Variants in DIAPH3 observed in about 807,000 individuals in gnomAD.
DIAPH3 encodes the protein protein diaphanous homolog 3.
DIAPH3 carries 117 observed loss-of-function variants against 144.3 expected under a neutral mutation model. The observed-to-expected ratio is 0.81, with a 90% CI of 0.70 to 0.95. The LOEUF (loss-of-function observed/expected upper bound fraction) is 0.95. Among genes scored for constraint, DIAPH3 ranks in the 40% least tolerant of loss-of-function variants. The pLI, the probability that DIAPH3 is intolerant of heterozygous loss-of-function variation, is 0.00. For missense variants in DIAPH3, 1,421 were observed against 1,412.7 expected (o/e 1.01, Z -0.09); for synonymous variants, 519 against 488.9 (o/e 1.06, Z -0.81).
chr13:59,736,331 G>C (rs2036152405), intron 27 of DIAPH3, among the ~76,000 whole-genome samples: 1 of 152,098 alleles, frequency 6.6e-6, no homozygotes, highest in African/African-American at 2.4e-5. Flanking sequence ...GGATTGAATG[G>C]TATTTCTGTT....
intron 27 of DIAPH3, among the ~76,000 whole-genome samples, chr13:59,702,745 C>G (rs941489730): frequency 2.0e-5 from 3 of 152,158 alleles, no homozygotes; most frequent in Admixed American, 2.0e-4. Flanking sequence ...AGAACTATAT[C>G]AAGGCTTTAT....
intron 24 of DIAPH3, among the ~76,000 whole-genome samples, chr13:59,812,726 A>G (rs1405527999): frequency 6.6e-6 from 1 of 152,134 alleles, no homozygotes; most frequent in Admixed American, 6.5e-5. Context: ...GTATAAAGGT[A>G]TAAGATGAGG....
At chr13:59,997,198 T>C (rs2052253938) in intron 9 of DIAPH3, among the ~76,000 whole-genome samples, 1 of 152,004 alleles carries the variant, frequency 6.6e-6, no homozygotes, top group South Asian at 2.1e-4. Flanking sequence ...TCTTCATCCT[T>C]CCTCCTCTGC....
At chr13:59,911,909 C>A in intron 19 of DIAPH3, 73 bp from the exon 20 acceptor site, 1 of 1,163,458 alleles carries the variant, frequency 8.6e-7, no homozygotes, top group Non-Finnish European at 1.3e-6. Context: ...AATTTAAAAA[C>A]TACTGAAAGA....
intron 27 of DIAPH3, among the ~76,000 whole-genome samples, chr13:59,694,431 T>C (rs2033688137): frequency 6.6e-6 from 1 of 152,158 alleles, no homozygotes; most frequent in Admixed American, 6.5e-5. Flanking sequence ...CATCCAAAGG[T>C]TAGATAATAC....
At chr13:59,784,657 G>C (rs1367500927) in intron 25 of DIAPH3, among the ~76,000 whole-genome samples, 1 of 152,176 alleles carries the variant, frequency 6.6e-6, no homozygotes, top group Non-Finnish European at 1.5e-5. Flanking sequence ...GATTACAGGT[G>C]TGAGCCACCA....
chr13:59,959,352 C>T (rs1442243937), intron 17 of DIAPH3, among the ~76,000 whole-genome samples: 1 of 152,152 alleles, frequency 6.6e-6, no homozygotes, highest in Non-Finnish European at 1.5e-5. Flanking sequence ...TGTTCCACAG[C>T]CTCTGCTGCC....
At chr13:60,122,404 T>C (rs2058870227) in intron 2 of DIAPH3, among the ~76,000 whole-genome samples, 1 of 152,226 alleles carries the variant, frequency 6.6e-6, no homozygotes, top group South Asian at 2.1e-4. Context: ...TTGCATCATA[T>C]AATATGTATA....
At chr13:60,022,564 C>T (rs1460305187) in intron 5 of DIAPH3, among the ~76,000 whole-genome samples, 2 of 152,162 alleles carry the variant, frequency 1.3e-5, no homozygotes, top group African/African-American at 4.8e-5. Context: ...GAATCCTTCA[C>T]TGCCTGTTCC....
At chr13:60,127,334 A>G (rs1340928370) in intron 2 of DIAPH3, among the ~76,000 whole-genome samples, 1 of 152,136 alleles carries the variant, frequency 6.6e-6, no homozygotes, top group African/African-American at 2.4e-5. Context: ...CTTAGGAAAA[A>G]ATAGATTACT....
chr13:60,066,584 T>G (rs117746887), intron 4 of DIAPH3, among the ~76,000 whole-genome samples: 1 of 152,176 alleles, frequency 6.6e-6, no homozygotes, highest in East Asian at 1.9e-4. Context: ...AAGGATATAT[T>G]GTGCTAGACT....
chr13:59,980,169 G>A (rs565675812), intron 14 of DIAPH3, among the ~76,000 whole-genome samples: 1 of 151,708 alleles, frequency 6.6e-6, no homozygotes, highest in Non-Finnish European at 1.5e-5. Flanking sequence ...ATACTACTGA[G>A]TTGAAACAAA....
chr13:60,005,206 G>A (rs1162731352), intron 9 of DIAPH3, among the ~76,000 whole-genome samples: 4 of 152,042 alleles, frequency 2.6e-5, no homozygotes, highest in South Asian at 2.1e-4. Context: ...CAACATGAAC[G>A]AACCTCTAAA....
intron 9 of DIAPH3, among the ~76,000 whole-genome samples, chr13:60,005,311 T>C (rs565761513): frequency 1.3e-5 from 2 of 152,262 alleles, no homozygotes; most frequent in South Asian, 2.1e-4. Context: ...TGCAACTCTA[T>C]AAAGACAGAA....
chr13:60,042,995 T>C (rs1225039823), intron 4 of DIAPH3, among the ~76,000 whole-genome samples, 175 bp from the exon 5 acceptor site: 1 of 152,220 alleles, frequency 6.6e-6, no homozygotes, highest in Non-Finnish European at 1.5e-5. Context: ...TCATAATGTG[T>C]GGTATCCACA....
At chr13:59,672,284 G>C (rs1339009743) in intron 27 of DIAPH3, among the ~76,000 whole-genome samples, 1 of 152,140 alleles carries the variant, frequency 6.6e-6, no homozygotes. Flanking sequence ...AATGGGCACT[G>C]GCTTCTTAGG....
At chr13:59,926,477 G>A (rs1175255720) in intron 17 of DIAPH3, among the ~76,000 whole-genome samples, 1 of 152,022 alleles carries the variant, frequency 6.6e-6, no homozygotes, top group East Asian at 1.9e-4. Context: ...TACTGTTTGT[G>A]CTATATTCTA....
chr13:59,990,408 AT>A (rs1470968628), intron 12 of DIAPH3, among the ~76,000 whole-genome samples: 1 of 151,946 alleles, frequency 6.6e-6, no homozygotes, highest in African/African-American at 2.4e-5. Flanking sequence ...GTATAAGAGA[AT>A]GAAATTTCAG....
chr13:60,075,531 A>G (rs1273954993), intron 4 of DIAPH3, among the ~76,000 whole-genome samples: 2 of 152,182 alleles, frequency 1.3e-5, no homozygotes, highest in Non-Finnish European at 2.9e-5. Context: ...TCTCAGGATG[A>G]TAGTGTAATT....
Sources: allele counts gnomAD v4.1 joint callset (sites outside exome capture counted in the v4.1 genomes callset), GRCh38; gene constraint gnomAD v4.1.1; transcripts MANE v1.5; gene names NCBI Gene and HGNC (gene_info 2026-07-23, HGNC 2026-07-21).